Variants in RCBTB1 observed in about 807,000 individuals in gnomAD.
RCBTB1 encodes RCC1 and BTB domain-containing protein 1.
RCBTB1 carries 46 observed loss-of-function variants against 62.4 expected under a neutral mutation model. The observed-to-expected ratio is 0.74, with a 90% confidence interval of 0.58 to 0.94. The LOEUF (loss-of-function observed/expected upper bound fraction) is 0.94. RCBTB1 is among the 40% of genes least tolerant of loss of function. The probability of loss-of-function intolerance (pLI) is 0.00; values close to 1 mark genes in which losing one functional copy is unlikely to be tolerated. For missense variants in RCBTB1, 565 were observed against 654.9 expected (o/e 0.86, Z 1.50); for synonymous variants, 222 against 245.8 (o/e 0.90, Z 0.91).
At chr13:49,559,769 G>A (rs1962278854) in intron 5 of RCBTB1, 149 bp downstream of exon 5, 2 of 635,206 alleles carry the variant, frequency 3.1e-6, no homozygotes, top group South Asian at 2.4e-5. Flanking sequence ...TTCTGTGGGT[G>A]CATGCTGGTG....
At chr13:49,551,958 A>ATT (rs5803472) in intron 7 of RCBTB1, among the ~76,000 whole-genome samples, 1 of 137,532 alleles carries the variant, frequency 7.3e-6, no homozygotes, top group African/African-American at 2.7e-5. Flanking sequence ...GAATTTTTCC[A>ATT]TTTTTTTTTT....
chr13:49,554,996 A>G (rs1961726484), intron 6 of RCBTB1, among the ~76,000 whole-genome samples: 1 of 152,224 alleles, frequency 6.6e-6, no homozygotes, highest in South Asian at 2.1e-4. Context: ...AGAAATAACC[A>G]TCAGCTCAAA....
At chr13:49,534,316 T>A in intron 12 of RCBTB1, 54 bp from the exon 13 acceptor site, 1 of 1,569,098 alleles carries the variant, frequency 6.4e-7, no homozygotes, top group Non-Finnish European at 8.7e-7. Flanking sequence ...CAACTTTGAT[T>A]GAATTACTTC....
intron 12 of RCBTB1, among the ~76,000 whole-genome samples, chr13:49,539,017 G>GCC (rs1960146839): frequency 1.3e-5 from 2 of 151,358 alleles, no homozygotes; most frequent in African/African-American, 4.9e-5. Flanking sequence ...TTACAGGTAC[G>GCC]CACCACCACA....
At chr13:49,567,525 C>T (rs1021598772) in intron 2 of RCBTB1, among the ~76,000 whole-genome samples, 2 of 152,092 alleles carry the variant, frequency 1.3e-5, no homozygotes, top group East Asian at 3.9e-4. Flanking sequence ...AAGAGAATAA[C>T]GTGCAAGAAC....
intron 5 of RCBTB1, among the ~76,000 whole-genome samples, chr13:49,555,887 G>A (rs774249342): frequency 1.1e-4 from 17 of 152,098 alleles, no homozygotes; most frequent in Non-Finnish European, 2.2e-4. Flanking sequence ...ATACATCTCC[G>A]TTTTATACAT....
intron 12 of RCBTB1, chr13:49,538,002 T>C (rs1475062898): frequency 1.3e-5 from 2 of 152,232 alleles, no homozygotes; most frequent in Non-Finnish European, 2.9e-5. Context: ...ACAAGAAACA[T>C]TGGAAGCAGG....
At chr13:49,569,664 C>T (rs994832814) in intron 2 of RCBTB1, among the ~76,000 whole-genome samples, 6 of 149,798 alleles carry the variant, frequency 4.0e-5, no homozygotes, top group African/African-American at 7.4e-5. Flanking sequence ...GGCTGTGAGC[C>T]GAGACTGCAT....
chr13:49,567,128 G>A (rs757860769), intron 3 of RCBTB1, 26 bp downstream of exon 3: 11 of 1,610,718 alleles, frequency 6.8e-6, no homozygotes, highest in African/African-American at 4.0e-5. Context: ...GTCCTAAAAC[G>A]AAACTAGGTT....
chr13:49,565,030 C>T (rs2137303890), intron 4 of RCBTB1, among the ~76,000 whole-genome samples: 1 of 148,858 alleles, frequency 6.7e-6, no homozygotes, highest in East Asian at 1.9e-4. Flanking sequence ...CCCGCTCCCT[C>T]TCCCTCTCTT....
At chr13:49,546,179 T>G (rs1960771168) in intron 9 of RCBTB1, 2 of 985,428 alleles carry the variant, frequency 2.0e-6, no homozygotes, top group Non-Finnish European at 2.4e-6. Flanking sequence ...TGCTTCAACT[T>G]CTGCATCCAG....
chr13:49,554,571 G>A (rs1010080331), intron 6 of RCBTB1, among the ~76,000 whole-genome samples: 11 of 152,126 alleles, frequency 7.2e-5, no homozygotes, highest in Non-Finnish European at 1.3e-4. Context: ...GAACCGGGCC[G>A]CACAGCAGGA....
chr13:49,536,342 C>T (rs574849999), intron 12 of RCBTB1, among the ~76,000 whole-genome samples: 2 of 152,266 alleles, frequency 1.3e-5, no homozygotes, highest in South Asian at 4.1e-4. Context: ...GCAAGTTCAC[C>T]AGAGAGTCGC....
chr13:49,572,553 G>A (rs1963477278), intron 2 of RCBTB1, among the ~76,000 whole-genome samples: 1 of 152,070 alleles, frequency 6.6e-6, no homozygotes, highest in Non-Finnish European at 1.5e-5. Flanking sequence ...TGTAATCCCA[G>A]CACTTTTGGG....
chr13:49,580,149 CTGT>C (rs1197232541), intron 2 of RCBTB1, among the ~76,000 whole-genome samples: 1 of 152,084 alleles, frequency 6.6e-6, no homozygotes. Context: ...TTATAGGATA[CTGT>C]TGTTTTCAAA....
chr13:49,541,484 G>T (rs928384431), intron 11 of RCBTB1, among the ~76,000 whole-genome samples, 192 bp downstream of exon 11: 1 of 151,608 alleles, frequency 6.6e-6, no homozygotes, highest in Admixed American at 6.6e-5. Context: ...AAAGCCTATG[G>T]TCATAAACTA....
At chr13:49,554,089 A>T (rs1387174647) in intron 6 of RCBTB1, among the ~76,000 whole-genome samples, 2 of 152,240 alleles carry the variant, frequency 1.3e-5, no homozygotes, top group African/African-American at 4.8e-5. Flanking sequence ...AGACACAGAT[A>T]AACACAGGAT....
chr13:49,562,124 T>A (rs917430237), intron 4 of RCBTB1, among the ~76,000 whole-genome samples: 3 of 151,600 alleles, frequency 2.0e-5, no homozygotes, highest in Non-Finnish European at 4.4e-5. Flanking sequence ...AGGTTAATTT[T>A]AAAATAACCT....
chr13:49,554,604 AT>A (rs1394759973), intron 6 of RCBTB1, among the ~76,000 whole-genome samples: 2 of 152,152 alleles, frequency 1.3e-5, no homozygotes, highest in Non-Finnish European at 2.9e-5. Context: ...GCAAGGGAGT[AT>A]TACTGCCTGA....
Sources: gnomAD v4.1 joint callset for allele counts (sites outside exome capture counted in the v4.1 genomes callset) on GRCh38, gnomAD v4.1.1 for gene constraint, MANE v1.5 for transcripts, NCBI Gene and HGNC (gene_info 2026-07-23, HGNC 2026-07-21) for gene names.